The following TCAF1 variants were observed in gnomAD, a reference collection of about 807,000 sequenced individuals.
TCAF1 encodes TRPM8 channel-associated factor 1.
In TCAF1, 4 loss-of-function variants were observed where a neutral mutation model predicts 27.3. The ratio of observed to expected loss-of-function variants is 0.15; its 90% CI spans 0.07 to 0.34. The LOEUF is 0.34. TCAF1 is among the 10% of genes least tolerant of loss of function. TCAF1 has a pLI of 1.00. For missense variants in TCAF1, 257 were observed against 425.8 expected, an observed-to-expected ratio of 0.60 and a Z score of 3.49; for synonymous variants, 105 against 167.1, an observed-to-expected ratio of 0.63 and a Z score of 2.87.
intron 1 of TCAF1, among the ~76,000 whole-genome samples, chr7:143,878,601 C>T (rs191637684): frequency 1.8e-4 from 27 of 152,270 alleles, no homozygotes; most frequent in African/African-American, 3.4e-4. Context: ...ATAAGCTCAA[C>T]GTTTCTAGTA....
intron 1 of TCAF1, among the ~76,000 whole-genome samples, chr7:143,879,300 G>A (rs893722703): frequency 3.3e-5 from 5 of 152,156 alleles, no homozygotes; most frequent in Non-Finnish European, 7.3e-5. Flanking sequence ...TATATCATGT[G>A]TTGCTCATAA....
chr7:143,875,929 T>A, intron 2 of TCAF1, 60 bp downstream of exon 2: 1 of 1,471,600 alleles, frequency 6.8e-7, no homozygotes, highest in East Asian at 2.3e-5. Context: ...AACCTGAAGA[T>A]AAGAACTGGG....
rs558859540 is a variant in TCAF1 at position 143,876,135 on chromosome 7, G to A, written c.474C>T (p.Ala158=). 927 of 1,614,164 alleles carry A rather than the reference G, an allele frequency of 5.7e-4. 17 individuals are homozygous for A. The South Asian group carries it at 9.6e-3, about 17-fold the overall frequency. The part of the protein sequence containing the change: ...LLIGGQAWDW[A]NQGEDERVLF... ...GAACCCTTTCATCCTCCCCCTGGTTGGCCCAATCCCAGGCTTGTCCTCCTA... is the reference window on the plus strand; with the variant it reads ...GAACCCTTTCATCCTCCCCCTGGTTAGCCCAATCCCAGGCTTGTCCTCCTA... Residue 158 remains alanine (A), a synonymous_variant, in exon 2 of 9, where the codon GCC becomes GCT. Coordinates refer to ENST00000479870, the MANE Select transcript of TCAF1 (RefSeq NM_014719.3).
chr7:143,890,317 T>C (rs1394568206), intron 1 of TCAF1, among the ~76,000 whole-genome samples: 1 of 152,196 alleles, frequency 6.6e-6, no homozygotes, highest in African/African-American at 2.4e-5. Flanking sequence ...AAAAATACTG[T>C]ATCTACATGG....
chr7:143,894,612 T>C (rs2116862947), intron 1 of TCAF1, among the ~76,000 whole-genome samples: 1 of 151,938 alleles, frequency 6.6e-6, no homozygotes, highest in East Asian at 1.9e-4. Flanking sequence ...GTAGAACTAT[T>C]AAGCATAAGG....
intron 1 of TCAF1, among the ~76,000 whole-genome samples, chr7:143,898,154 C>G (rs1051590212): frequency 6.6e-6 from 1 of 152,042 alleles, no homozygotes; most frequent in Non-Finnish European, 1.5e-5. Context: ...AAAAAACATC[C>G]ATTTATAATA....
intron 1 of TCAF1, chr7:143,882,821 G>A (rs1813147235): frequency 1.0e-6 from 1 of 985,690 alleles, no homozygotes; most frequent in Non-Finnish European, 1.2e-6. Context: ...AGGCTTCCCT[G>A]TACCAGTGAC....
intron 2 of TCAF1, among the ~76,000 whole-genome samples, chr7:143,875,507 A>G (rs1407275768): frequency 2.0e-5 from 3 of 152,154 alleles, no homozygotes; most frequent in East Asian, 1.9e-4. Flanking sequence ...AACTTGAACC[A>G]TCTTTTCTGA....
chr7:143,881,331 A>G (rs1813008770), intron 1 of TCAF1, among the ~76,000 whole-genome samples: 2 of 152,344 alleles, frequency 1.3e-5, no homozygotes, highest in South Asian at 4.1e-4. Context: ...TTCAGCAACT[A>G]GCTAGCCTGA....
intron 2 of TCAF1, among the ~76,000 whole-genome samples, chr7:143,869,642 TC>T (rs1177373696): frequency 1.3e-5 from 2 of 148,452 alleles, no homozygotes; most frequent in Non-Finnish European, 3.0e-5. Context: ...TTGATAAAAT[TC>T]ATCAATGAAG....
At chr7:143,888,314 T>A (rs557537473) in intron 1 of TCAF1, among the ~76,000 whole-genome samples, 164 of 152,278 alleles carry the variant, frequency 1.1e-3, no homozygotes, top group Non-Finnish European at 1.9e-3. Context: ...ACCACAATGC[T>A]TCCACAAAAC....
intron 1 of TCAF1, among the ~76,000 whole-genome samples, chr7:143,886,065 TG>T (rs1471430608): frequency 6.6e-6 from 1 of 152,218 alleles, no homozygotes; most frequent in Non-Finnish European, 1.5e-5. Context: ...GACTTGACCA[TG>T]GAGCAGGAAC....
intron 1 of TCAF1, among the ~76,000 whole-genome samples, chr7:143,893,807 T>G (rs899291993): frequency 6.6e-6 from 1 of 151,868 alleles, no homozygotes; most frequent in African/African-American, 2.4e-5. Context: ...TCTATAGCTC[T>G]AAATGCATAC....
chr7:143,896,511 A>G (rs1221139773), intron 1 of TCAF1, among the ~76,000 whole-genome samples: 1 of 152,104 alleles, frequency 6.6e-6, no homozygotes, highest in Admixed American at 6.5e-5. Flanking sequence ...ATGTAATTAC[A>G]GACTACACAT....
intron 2 of TCAF1, among the ~76,000 whole-genome samples, chr7:143,875,057 A>G (rs924396136): frequency 1.3e-5 from 2 of 152,120 alleles, no homozygotes; most frequent in African/African-American, 4.8e-5. Flanking sequence ...AACTTCCCTA[A>G]AAGTCCCATG....
In TCAF1 at chr7:143,853,096, T is replaced by C. The variant is rs1312596248; in HGVS notation, c.*1037A>G. Reference sequence around the variant, plus strand: ...CAGTCTTCTCTTTCTTTTCTTGCTTTTTAAGAGACAGGGTCTCACTCTGTC... The same window carrying C: ...CAGTCTTCTCTTTCTTTTCTTGCTTCTTAAGAGACAGGGTCTCACTCTGTC... On this transcript the variant is annotated 3_prime_UTR_variant, in exon 9 of 9. Transcript: ENST00000479870. 6.6e-6 allele frequency: 1 copy of C among 151,590 alleles called. No individual in the cohort carries two copies. The highest frequency in any genetic ancestry group is 1.9e-4 in the East Asian group (1 of 5,178). The allele number at this position is 151,590 out of a possible 1,614,324, so 9.4% of individuals were successfully genotyped here.
At chr7:143,895,684 A>T (rs1479485295) in intron 1 of TCAF1, among the ~76,000 whole-genome samples, 4 of 151,732 alleles carry the variant, frequency 2.6e-5, no homozygotes, top group African/African-American at 7.2e-5. Context: ...GTTGGTAAAC[A>T]TATATTTAAT....
At chr7:143,884,411 C>G (rs1813278804) in intron 1 of TCAF1, among the ~76,000 whole-genome samples, 1 of 151,998 alleles carries the variant, frequency 6.6e-6, no homozygotes. Context: ...AAGATTCTGC[C>G]AAGTCAAGGC....
intron 1 of TCAF1, among the ~76,000 whole-genome samples, chr7:143,887,722 G>A (rs760634598): frequency 1.3e-5 from 2 of 152,088 alleles, no homozygotes; most frequent in Non-Finnish European, 2.9e-5. Context: ...ACAGTAGAAT[G>A]TTTAAATAAA....
Sources: allele counts gnomAD v4.1 joint callset (sites outside exome capture counted in the v4.1 genomes callset), GRCh38; gene constraint gnomAD v4.1.1; transcripts MANE v1.5; gene names NCBI Gene and HGNC (gene_info 2026-07-23, HGNC 2026-07-21).